PALLD: variants seen among roughly 807,000 people sequenced by gnomAD.
PALLD encodes palladin.
Under a neutral mutation model 123.5 loss-of-function variants are expected in PALLD, and 61 were observed. The ratio of observed to expected loss-of-function variants is 0.49; its 90% CI spans 0.40 to 0.61. PALLD has a LOEUF of 0.61. Among genes scored for constraint, PALLD ranks in the 20% least tolerant of loss-of-function variants. The probability of loss-of-function intolerance (pLI) is 0.00; values close to 1 mark genes in which losing one functional copy is unlikely to be tolerated. For missense variants in PALLD, 1,273 were observed against 1,377.0 expected, an observed-to-expected ratio of 0.92 and a Z score of 1.20; for synonymous variants, 465 against 496.4, an observed-to-expected ratio of 0.94 and a Z score of 0.84.
chr4:168,499,738 A>G (rs1252126053), intron 1 of PALLD, among the ~76,000 whole-genome samples: 2 of 151,958 alleles, frequency 1.3e-5, no homozygotes, highest in African/African-American at 2.4e-5. Flanking sequence ...ATTTATTCCT[A>G]TCTATGTATA....
intron 10 of PALLD, among the ~76,000 whole-genome samples, chr4:168,725,806 G>A (rs549850911): frequency 6.6e-5 from 10 of 152,130 alleles, no homozygotes; most frequent in Admixed American, 1.3e-4. Context: ...GATTACAGGC[G>A]TGAGCCACCA....
chr4:168,693,040 T>A (rs868771127), intron 8 of PALLD, among the ~76,000 whole-genome samples: 1 of 152,132 alleles, frequency 6.6e-6, no homozygotes, highest in Non-Finnish European at 1.5e-5. Context: ...AGGAAACATC[T>A]CCCCCGCACC....
At chr4:168,851,209 T>C (rs1188743463) in intron 10 of PALLD, among the ~76,000 whole-genome samples, 1 of 152,168 alleles carries the variant, frequency 6.6e-6, no homozygotes, top group African/African-American at 2.4e-5. Flanking sequence ...CTTTATTTTC[T>C]CCATCTCCAG....
At chr4:168,624,726 A>G (rs1775075107) in intron 2 of PALLD, among the ~76,000 whole-genome samples, 1 of 152,228 alleles carries the variant, frequency 6.6e-6, no homozygotes, top group East Asian at 1.9e-4. Context: ...AATATGAGTA[A>G]GATAGAATGG....
At chr4:168,911,744 G>T (rs1295136840) in intron 15 of PALLD, among the ~76,000 whole-genome samples, 1 of 152,152 alleles carries the variant, frequency 6.6e-6, no homozygotes, top group East Asian at 1.9e-4. Flanking sequence ...CAAGTGGCCT[G>T]TGCTTCAGGT....
chr4:168,775,163 T>G (rs1735006609), intron 10 of PALLD, among the ~76,000 whole-genome samples: 1 of 152,336 alleles, frequency 6.6e-6, no homozygotes, highest in South Asian at 2.1e-4. Flanking sequence ...CCACCATGAT[T>G]GTATGAGAGT....
At chr4:168,750,131 G>C (rs866507517) in intron 10 of PALLD, among the ~76,000 whole-genome samples, 16 of 143,556 alleles carry the variant, frequency 1.1e-4, no homozygotes, top group African/African-American at 3.8e-4. Flanking sequence ...TATTTTTGTA[G>C]AGACGGCGTT....
At chr4:168,870,773 A>G (rs867644248) in intron 10 of PALLD, among the ~76,000 whole-genome samples, 7 of 152,244 alleles carry the variant, frequency 4.6e-5, no homozygotes, top group African/African-American at 7.2e-5. Context: ...AGAACGTGGC[A>G]GAGCAGGAGC....
At position 168,860,118 on chromosome 4, in the gene PALLD, C is replaced by T. The variant is rs139547233; in HGVS notation, c.1965-30804C>T. Among the ~76,000 whole-genome samples, 724 of 152,292 alleles carry T rather than the reference C, an allele frequency of 4.8e-3. 7 individuals carry two copies. Among genetic ancestry groups the T allele is most frequent in the Admixed American group, 5.4e-3 (82 of 15,296 alleles). ...AAATCGGGTGAACACACAACCTTTACACCCGAAACAGTGCTGCAGAATTGA... is the reference window on the plus strand; with the variant it reads ...AAATCGGGTGAACACACAACCTTTATACCCGAAACAGTGCTGCAGAATTGA... On this transcript the variant is annotated intron_variant, in intron 10 of 21. Coordinates refer to ENST00000505667, the MANE Select transcript of PALLD (RefSeq NM_001166108.2).
intron 2 of PALLD, among the ~76,000 whole-genome samples, chr4:168,626,480 C>CG (rs796679730): frequency 1.5e-4 from 22 of 149,682 alleles, no homozygotes; most frequent in African/African-American, 5.4e-4. Context: ...GAGGCAGAGG[C>CG]GGGTGGATTG....
At chr4:168,584,021 G>A (rs1400142473) in intron 2 of PALLD, among the ~76,000 whole-genome samples, 1 of 152,148 alleles carries the variant, frequency 6.6e-6, no homozygotes, top group Non-Finnish European at 1.5e-5. Context: ...CTCTGTGCGT[G>A]GGTGCATATG....
At chr4:168,572,599 C>G (rs1359697161) in intron 2 of PALLD, among the ~76,000 whole-genome samples, 1 of 151,984 alleles carries the variant, frequency 6.6e-6, no homozygotes, top group East Asian at 2.0e-4. Flanking sequence ...TATCCCCCTT[C>G]CCAATCTGTT....
In PALLD at chr4:168,668,190, A is replaced by G; in HGVS notation, c.909A>G (p.Arg303=). ...RVTGNPTPRV[R]WFCEGKELHN... is the part of the protein sequence containing the mutation. ...CCTTTGACCTCCATTTGGCCTGCAG[A>G]TGGTTCTGTGAAGGGAAAGAACTGC... The change falls in exon 3 of 22, where the codon AGA becomes AGG. Residue 303 remains arginine, a splice_region_variant and synonymous_variant. Coordinates refer to ENST00000505667, the MANE Select transcript of PALLD (RefSeq NM_001166108.2). The G allele has an allele frequency of 6.2e-7, 1 of 1,613,570 alleles. No individual in the cohort carries two copies. Among genetic ancestry groups the G allele is most frequent in the Non-Finnish European group, 8.5e-7 (1 of 1,179,508 alleles).
chr4:168,668,071 T>C (rs1779828033), intron 2 of PALLD, 119 bp from the exon 3 acceptor site: 3 of 810,362 alleles, frequency 3.7e-6, no homozygotes, highest in Non-Finnish European at 4.2e-6. Flanking sequence ...CATTGTTTTT[T>C]TTTTAATCAA....
In PALLD at chr4:168,779,433, T is replaced by C. The variant is rs989547657; in HGVS notation, c.1964+67510T>C. ...ACATTCCTATGTTTTATTTTGATAATGAAATATTGTGTAGTTTTAAAGCTT... is the reference window on the plus strand; with the variant it reads ...ACATTCCTATGTTTTATTTTGATAACGAAATATTGTGTAGTTTTAAAGCTT... On this transcript the variant is annotated intron_variant, in intron 10 of 21. Transcript: ENST00000505667. Among the ~76,000 whole-genome samples the C allele has an allele frequency of 2.6e-5, 4 of 151,920 alleles. No homozygotes were observed. The South Asian group carries it at 8.3e-4, about 31-fold the overall frequency.
chr4:168,584,522 C>A (rs1770618187), intron 2 of PALLD, among the ~76,000 whole-genome samples: 1 of 152,148 alleles, frequency 6.6e-6, no homozygotes. Flanking sequence ...TATGTGTTAA[C>A]AATCTTAATT....
intron 10 of PALLD, among the ~76,000 whole-genome samples, chr4:168,812,779 T>G (rs939213997): frequency 7.9e-4 from 120 of 152,276 alleles, no homozygotes; most frequent in African/African-American, 2.7e-3. Context: ...CATGTGAAGT[T>G]TTATAATGAA....
intron 2 of PALLD, among the ~76,000 whole-genome samples, chr4:168,626,191 G>A (rs947547220): frequency 3.3e-5 from 5 of 151,834 alleles, no homozygotes; most frequent in African/African-American, 1.2e-4. Flanking sequence ...ACGAGGTCAG[G>A]AGATCGAGAC....
rs80212637 is a variant in PALLD at position 168,686,147 on chromosome 4, T to C, written c.1335+588T>C. On this transcript the variant is annotated intron_variant, in intron 6 of 21. Transcript: ENST00000505667. Reference sequence around the variant, plus strand: ...CCGTATAAAGCCATGACTCCCTGATTAATCTGTATTTAATGTAATCTGGCT... The same window carrying C: ...CCGTATAAAGCCATGACTCCCTGATCAATCTGTATTTAATGTAATCTGGCT... Among the ~76,000 whole-genome samples, 26 of 152,292 alleles carry C rather than the reference T, an allele frequency of 1.7e-4. No homozygotes were observed. In the East Asian group the frequency reaches 5.0e-3, roughly 29 times the overall value.
Sources: allele counts gnomAD v4.1 joint callset (sites outside exome capture counted in the v4.1 genomes callset), GRCh38; gene constraint gnomAD v4.1.1; transcripts MANE v1.5; gene names NCBI Gene and HGNC (gene_info 2026-07-23, HGNC 2026-07-21).